The following TCF4 variants were observed in gnomAD, a reference collection of about 807,000 sequenced individuals.
TCF4 encodes the protein SL3-3 enhancer factor 2.
A neutral mutation model predicts 82.1 loss-of-function variants in TCF4; 3 were observed. That is an observed-to-expected ratio of 0.04 (90% CI 0.02 to 0.09). TCF4 has a LOEUF of 0.09. Among genes scored for constraint, TCF4 ranks in the 10% least tolerant of loss-of-function variants. The probability of loss-of-function intolerance (pLI) is 1.00; values close to 1 mark genes in which losing one functional copy is unlikely to be tolerated. For synonymous variants in TCF4, 276 were observed against 309.6 expected (o/e 0.89, Z 1.14); for missense variants, 518 against 852.7 (o/e 0.61, Z 4.89).
chr18:55,589,959 C>A, upstream of TCF4: 3 of 469,440 alleles, frequency 6.4e-6, no homozygotes, highest in Non-Finnish European at 8.4e-6. Flanking sequence ...GGAGCGGAGG[C>A]GGGTGGCTGT....
intron 3 of TCF4, among the ~76,000 whole-genome samples, chr18:55,464,361 T>TA (rs1425211450): frequency 6.6e-6 from 1 of 152,144 alleles, no homozygotes; most frequent in Non-Finnish European, 1.5e-5. Flanking sequence ...GGTATAAACA[T>TA]AAAAATTACT....
At position 55,313,660 on chromosome 18, in the gene TCF4, A is replaced by C. The variant is rs932732284; in HGVS notation, c.550-34004T>G. 5.9e-5 allele frequency among the ~76,000 whole-genome samples: 9 copies of C among 152,278 alleles called. No homozygotes were observed. The East Asian group carries it at 1.7e-3, about 29-fold the overall frequency. On this transcript the variant is annotated intron_variant, in intron 8 of 19. Coordinates refer to ENST00000354452, the MANE Select transcript of TCF4 (RefSeq NM_001083962.2). ...GAATTACGGACAATGAACACCCAAG[A>C]AATTCTAGAATTATAATAACAAACA...
intron 13 of TCF4, chr18:55,259,719 C>A (rs1014173435): frequency 5.6e-6 from 3 of 535,668 alleles, no homozygotes; most frequent in Non-Finnish European, 1.0e-5. Flanking sequence ...TTCCATATGC[C>A]TGTATATTTT....
chr18:55,538,851 G>A (rs948914926), intron 3 of TCF4, among the ~76,000 whole-genome samples: 3 of 151,922 alleles, frequency 2.0e-5, no homozygotes, highest in African/African-American at 7.3e-5. Flanking sequence ...AGGAAGGTTC[G>A]GTATTTCTGA....
chr18:55,232,782 T>C (rs1409149680), intron 16 of TCF4, 111 bp from the exon 17 acceptor site: 16 of 1,394,938 alleles, frequency 1.1e-5, no homozygotes, highest in Non-Finnish European at 1.5e-5. Context: ...GATCCTTCTG[T>C]CACTTTTTTT....
chr18:55,549,243 G>C (rs781773698), intron 3 of TCF4, among the ~76,000 whole-genome samples: 16 of 152,046 alleles, frequency 1.1e-4, no homozygotes, highest in Non-Finnish European at 1.9e-4. Flanking sequence ...GGAGGCTGCA[G>C]TAAGCCAAGA....
intron 8 of TCF4, among the ~76,000 whole-genome samples, chr18:55,323,473 C>T (rs942158706): frequency 6.6e-6 from 1 of 152,098 alleles, no homozygotes; most frequent in South Asian, 2.1e-4. Flanking sequence ...ACACACACAC[C>T]GCACATCCAC....
At chr18:55,388,585 G>A (rs1257933438) in intron 6 of TCF4, among the ~76,000 whole-genome samples, 1 of 152,160 alleles carries the variant, frequency 6.6e-6, no homozygotes, top group African/African-American at 2.4e-5. Context: ...AACTAGGTAA[G>A]TGCCTCCATG....
chr18:55,581,280 GT>G (rs995302374), intron 3 of TCF4, among the ~76,000 whole-genome samples: 66 of 152,078 alleles, frequency 4.3e-4, no homozygotes, highest in African/African-American at 1.3e-3. Flanking sequence ...ATAAAAACTT[GT>G]TTTTTAAAAT....
chr18:55,621,362 CTTT>C lies in TCF4; in HGVS notation c.286+9933_286+9935del, dbSNP rs1348127843. ...TTCTTTTTAAGTAATAAAAAAGATACTTTCTTTAAACTTATGGGGTACTGCCTG... is the reference window on the plus strand; with the variant it reads ...TTCTTTTTAAGTAATAAAAAAGATACCTTTAAACTTATGGGGTACTGCCTG... On this transcript the variant is annotated intron_variant, in intron 2 of 20. Transcript: ENST00000398339. Among the ~76,000 whole-genome samples the C allele has an allele frequency of 6.6e-5, 9 of 135,816 alleles. No individual in the cohort carries two copies. The South Asian group carries it at 1.3e-3, about 20-fold the overall frequency. 89.1% of individuals were successfully genotyped at this position (135,816 alleles called of 152,430 possible). A position where few individuals can be genotyped will look rare whatever the true frequency, so the allele number is the denominator to read the frequency against.
At chr18:55,492,342 G>A (rs1297472087) in intron 3 of TCF4, 1 of 152,120 alleles carries the variant, frequency 6.6e-6, no homozygotes, top group Admixed American at 6.5e-5. Flanking sequence ...TAATGTTCAT[G>A]TTCTGCTACA....
chr18:55,236,917 C>T (rs986091891), intron 15 of TCF4, among the ~76,000 whole-genome samples: 1 of 152,086 alleles, frequency 6.6e-6, no homozygotes, highest in Non-Finnish European at 1.5e-5. Flanking sequence ...GAAGTGTACT[C>T]CTATTTCAGA....
rs1556333099 is a variant in TCF4, at chr18:55,429,780, A to AAAAAC, written c.305-26263_305-26262insGTTTT. The stretch of plus-strand genomic sequence containing the variant: ...ACTCCATCTCAAAAAAAAAAAAAAA[A>AAAAAC]AAAAAAAAACAATTTGGTCAGTTCA... On this transcript the variant is annotated intron_variant, in intron 5 of 19. Transcript: ENST00000354452. Among the ~76,000 whole-genome samples, 138 of 150,826 alleles carry AAAAAC rather than the reference A, an allele frequency of 9.1e-4. 2 individuals carry two copies. The highest frequency in any genetic ancestry group is 3.1e-3 in the African/African-American group (126 of 41,140).
intron 8 of TCF4, among the ~76,000 whole-genome samples, chr18:55,310,137 T>C (rs536187541): frequency 8.1e-4 from 124 of 152,246 alleles, no homozygotes; most frequent in African/African-American, 3.0e-3. Context: ...ATGTACAAAG[T>C]AAACCTAAAC....
intron 8 of TCF4, among the ~76,000 whole-genome samples, chr18:55,294,319 C>T (rs536843408): frequency 2.0e-5 from 3 of 152,000 alleles, no homozygotes; most frequent in East Asian, 1.9e-4. Context: ...TTATCCAGGT[C>T]GTATCCCCCG....
At chr18:55,326,004 ATC>A (rs2076490359) in intron 8 of TCF4, among the ~76,000 whole-genome samples, 4 of 152,192 alleles carry the variant, frequency 2.6e-5, no homozygotes, top group African/African-American at 9.7e-5. Flanking sequence ...CACTTATTTA[ATC>A]TCCATAACTA....
chr18:55,530,713 C>T (rs4800990), intron 3 of TCF4, among the ~76,000 whole-genome samples: 85,371 of 151,702 alleles, frequency 0.56, 24,261 homozygotes, highest in Admixed American at 0.68. Context: ...AAAAGATATC[C>T]ACTTAAAAAA....
At chr18:55,429,899 A>T (rs1482098547) in intron 5 of TCF4, among the ~76,000 whole-genome samples, 1 of 151,858 alleles carries the variant, frequency 6.6e-6, no homozygotes, top group Non-Finnish European at 1.5e-5. Context: ...ATCAGAAACT[A>T]TCACAGTTTG....
chr18:55,629,055 A>T (rs1237871555), intron 2 of TCF4, among the ~76,000 whole-genome samples: 1 of 152,228 alleles, frequency 6.6e-6, no homozygotes, highest in African/African-American at 2.4e-5. Context: ...TAAATATTGT[A>T]TGCAATGCAA....
Sources: gnomAD v4.1 joint callset for allele counts (sites outside exome capture counted in the v4.1 genomes callset) on GRCh38, gnomAD v4.1.1 for gene constraint, MANE v1.5 for transcripts, NCBI Gene and HGNC (gene_info 2026-07-23, HGNC 2026-07-21) for gene names.